AGBL1: variants seen among roughly 807,000 people sequenced by gnomAD.
AGBL1 encodes cytosolic carboxypeptidase 4.
A neutral mutation model predicts 118.9 loss-of-function variants in AGBL1; 130 were observed. The ratio of observed to expected loss-of-function variants is 1.09; its 90% CI spans 0.95 to 1.26. The LOEUF (loss-of-function observed/expected upper bound fraction) is 1.26. AGBL1 is among the 50% of genes most tolerant of loss of function. The probability of loss-of-function intolerance (pLI) is 0.00; values close to 1 mark genes in which losing one functional copy is unlikely to be tolerated. For synonymous variants in AGBL1, 555 were observed against 478.9 expected (o/e 1.16, Z -2.08); for missense variants, 1,584 against 1,298.1 (o/e 1.22, Z -3.38).
chr15:86,495,560 T>G (rs1162238630), intron 18 of AGBL1, among the ~76,000 whole-genome samples: 1 of 151,928 alleles, frequency 6.6e-6, no homozygotes, highest in Non-Finnish European at 1.5e-5. Context: ...TTCTGTTTTT[T>G]GATGCCAGAA....
intron 5 of AGBL1, among the ~76,000 whole-genome samples, chr15:86,163,301 C>T (rs1205068391): frequency 6.6e-6 from 1 of 152,158 alleles, no homozygotes; most frequent in African/African-American, 2.4e-5. Context: ...TGGTGGTGCA[C>T]ACCTGTAGTC....
At chr15:86,397,247 T>G (rs1018174827) in intron 17 of AGBL1, 119 bp from the exon 18 acceptor site, 1 of 734,002 alleles carries the variant, frequency 1.4e-6, no homozygotes, top group Non-Finnish European at 2.0e-6. Context: ...AAACCTACAA[T>G]GGAAAATGTA....
intron 22 of AGBL1, among the ~76,000 whole-genome samples, chr15:86,810,145 C>T (rs978760203): frequency 3.9e-5 from 6 of 152,188 alleles, no homozygotes; most frequent in Admixed American, 1.3e-4. Flanking sequence ...ACAATAAAAA[C>T]CACATCAGTC....
At chr15:86,427,622 T>C (rs1317963572) in intron 18 of AGBL1, among the ~76,000 whole-genome samples, 1 of 152,186 alleles carries the variant, frequency 6.6e-6, no homozygotes, top group African/African-American at 2.4e-5. Context: ...TTTGACTATT[T>C]ATAGTAGTTT....
rs187607287 is a variant in AGBL1 at position 86,697,014 on chromosome 15, C to T, written c.3158+22578C>T. 2.3e-3 allele frequency among the ~76,000 whole-genome samples: 353 copies of T among 151,888 alleles called. 1 individual carries two copies. The highest frequency in any genetic ancestry group is 5.9e-3 in the African/African-American group (243 of 41,484). On this transcript the variant is annotated intron_variant, in intron 22 of 22. Transcript: ENST00000614907. ...TTAATAGGTTACCTTTTGCTTTTGC[C>T]TCACAGCCCTTAAGATTCTTTCCTT...
intron 5 of AGBL1, among the ~76,000 whole-genome samples, chr15:86,181,573 G>A (rs1404816349): frequency 3.9e-5 from 6 of 151,926 alleles, no homozygotes; most frequent in Middle Eastern, 3.4e-3. Flanking sequence ...ATTTGAGGAG[G>A]ATATTGATAT....
rs139655676 is a variant in AGBL1 at position 86,921,500 on chromosome 15, G to A, written c.3222-66487G>A. 1.7e-3 allele frequency among the ~76,000 whole-genome samples: 264 copies of A among 152,238 alleles called. 1 individual carries two copies. Among genetic ancestry groups the A allele is most frequent in the Middle Eastern group, 6.8e-3 (2 of 294 alleles). On this transcript the variant is annotated intron_variant, in intron 23 of 24. Transcript: ENST00000441037. ...TCCTTGGCTATTGTTTTGAGCTACT[G>A]TTACCTTCTTGCTTATCAGGTTGCT...
At chr15:86,978,532 C>T (rs966297357) in intron 23 of AGBL1, among the ~76,000 whole-genome samples, 23 of 152,138 alleles carry the variant, frequency 1.5e-4, no homozygotes, top group Admixed American at 1.4e-3. Flanking sequence ...ACAAGTAGTG[C>T]TCCTTAACAG....
intron 21 of AGBL1, among the ~76,000 whole-genome samples, chr15:86,569,350 GATCA>G (rs2083966986): frequency 6.7e-6 from 1 of 149,962 alleles, no homozygotes; most frequent in Non-Finnish European, 1.5e-5. Flanking sequence ...GGTGAACTGA[GATCA>G]TGTCACTGCA....
intron 18 of AGBL1, among the ~76,000 whole-genome samples, chr15:86,509,824 C>T (rs1344403773): frequency 6.6e-6 from 1 of 151,950 alleles, no homozygotes; most frequent in Non-Finnish European, 1.5e-5. Context: ...ATCATGTGTT[C>T]TAATTTTCTG....
At chr15:86,787,596 T>A (rs2078431866) in intron 22 of AGBL1, among the ~76,000 whole-genome samples, 1 of 152,208 alleles carries the variant, frequency 6.6e-6, no homozygotes, top group South Asian at 2.1e-4. Context: ...AGGATCTTCT[T>A]TTTTAATGCT....
At chr15:86,962,236 A>G (rs1295656785) in intron 23 of AGBL1, among the ~76,000 whole-genome samples, 1 of 152,094 alleles carries the variant, frequency 6.6e-6, no homozygotes, top group Non-Finnish European at 1.5e-5. Context: ...AAAATTGAAA[A>G]TGGGCAATTT....
intron 22 of AGBL1, among the ~76,000 whole-genome samples, chr15:86,729,711 T>C (rs1596413984): frequency 1.3e-5 from 2 of 152,206 alleles, no homozygotes; most frequent in African/African-American, 2.4e-5. Context: ...ATCTTTGCTA[T>C]TGTGAACAGT....
intron 18 of AGBL1, among the ~76,000 whole-genome samples, chr15:86,407,260 T>C (rs2081542755): frequency 6.6e-6 from 1 of 152,156 alleles, no homozygotes; most frequent in African/African-American, 2.4e-5. Flanking sequence ...CAAAAGGAGA[T>C]TGAGTGACAT....
intron 5 of AGBL1, among the ~76,000 whole-genome samples, chr15:86,185,763 G>C (rs2141812489): frequency 6.6e-6 from 1 of 151,792 alleles, no homozygotes; most frequent in South Asian, 2.1e-4. Context: ...TCGTGGGGTG[G>C]GGGGCTGGGG....
intron 21 of AGBL1, among the ~76,000 whole-genome samples, chr15:86,632,294 G>T (rs1313773164): frequency 7.8e-6 from 1 of 128,948 alleles, no homozygotes; most frequent in African/African-American, 2.9e-5. Context: ...AAAAAAAAAG[G>T]CTGGCCAGGT....
chr15:87,009,219 C>T (rs974993046), intron 24 of AGBL1, among the ~76,000 whole-genome samples: 1 of 152,100 alleles, frequency 6.6e-6, no homozygotes, highest in Admixed American at 6.5e-5. Flanking sequence ...ATGCTATGTG[C>T]AGTCTTGGGA....
intron 22 of AGBL1, among the ~76,000 whole-genome samples, chr15:86,851,326 T>C (rs1323957211): frequency 6.6e-6 from 1 of 152,128 alleles, no homozygotes; most frequent in Non-Finnish European, 1.5e-5. Context: ...AAACCAAGTC[T>C]ACTAGAACTG....
At chr15:86,534,036 G>T (rs1222513219) in intron 19 of AGBL1, among the ~76,000 whole-genome samples, 3 of 120,272 alleles carry the variant, frequency 2.5e-5, no homozygotes, top group Non-Finnish European at 5.0e-5. Context: ...TGGGTGCAGC[G>T]CACCAGCATG....
Sources: gnomAD v4.1 joint callset for allele counts (sites outside exome capture counted in the v4.1 genomes callset) on GRCh38, gnomAD v4.1.1 for gene constraint, MANE v1.5 for transcripts, NCBI Gene and HGNC (gene_info 2026-07-23, HGNC 2026-07-21) for gene names.